Variants in CTNNA3 observed in about 807,000 individuals in gnomAD.
CTNNA3 encodes the protein catenin alpha 3, also known as catenin alpha-3.
CTNNA3 carries 76 observed loss-of-function variants against 95.7 expected under a neutral mutation model. That is an observed-to-expected ratio of 0.79 (90% CI 0.66 to 0.96). CTNNA3 has a LOEUF of 0.96. Ranked by LOEUF, CTNNA3 falls within the 40% of genes least tolerant of loss-of-function variation. CTNNA3 has a pLI of 0.00. For missense variants in CTNNA3, 1,191 were observed against 1,089.8 expected (o/e 1.09, Z -1.31); for synonymous variants, 431 against 374.4 (o/e 1.15, Z -1.74).
At chr10:67,057,812 T>C (rs1855529719) in intron 7 of CTNNA3, among the ~76,000 whole-genome samples, 1 of 152,156 alleles carries the variant, frequency 6.6e-6, no homozygotes, top group Non-Finnish European at 1.5e-5. Flanking sequence ...TCTCAGTCTC[T>C]TTTGCCATCC....
At chr10:66,647,787 G>T (rs1324651093) in intron 9 of CTNNA3, among the ~76,000 whole-genome samples, 3 of 151,680 alleles carry the variant, frequency 2.0e-5, no homozygotes, top group African/African-American at 7.3e-5. Context: ...CCCAAGTACT[G>T]GGATTACAGG....
rs544350335 is a variant in CTNNA3 at position 67,596,227 on chromosome 10, G to T, written c.292+10630C>A. On this transcript the variant is annotated intron_variant, in intron 3 of 17. Coordinates refer to ENST00000433211, the MANE Select transcript of CTNNA3 (RefSeq NM_013266.4). ...TATGTAGTTGCTTTATAGTGCATTGGATCTATGTACTTAAGTGTTTTGTGG... is the reference window on the plus strand; with the variant it reads ...TATGTAGTTGCTTTATAGTGCATTGTATCTATGTACTTAAGTGTTTTGTGG... Among the ~76,000 whole-genome samples the T allele has an allele frequency of 2.6e-5, 4 of 152,252 alleles. No individual in the cohort carries two copies. The South Asian group carries it at 8.3e-4, about 32-fold the overall frequency.
rs569531603 is a variant in CTNNA3, at chr10:67,504,580, G to A, written c.579+17262C>T. Among the ~76,000 whole-genome samples, 3 of 151,934 alleles carry A rather than the reference G, an allele frequency of 2.0e-5. No individual in the cohort carries two copies. In the East Asian group the frequency reaches 5.8e-4, roughly 29 times the overall value. ...TTGGAGTAGAAGAAAAATGCATAGT[G>A]ACTGATACAAGTTACTCATGAGCAC... On this transcript the variant is annotated intron_variant, in intron 5 of 17. Coordinates refer to ENST00000433211, the MANE Select transcript of CTNNA3 (RefSeq NM_013266.4).
chr10:66,092,055 T>C (rs1339494271), intron 14 of CTNNA3, among the ~76,000 whole-genome samples: 3 of 151,914 alleles, frequency 2.0e-5, no homozygotes, highest in Non-Finnish European at 4.4e-5. Flanking sequence ...TCAATATAAA[T>C]AGTAAGCCCA....
chr10:66,587,800 A>C (rs2132219437), intron 10 of CTNNA3, among the ~76,000 whole-genome samples: 1 of 152,248 alleles, frequency 6.6e-6, no homozygotes, highest in African/African-American at 2.4e-5. Flanking sequence ...AAACTGCCCC[A>C]GGCCATAAGC....
chr10:67,234,399 G>C (rs1434798814), intron 5 of CTNNA3, among the ~76,000 whole-genome samples: 8 of 152,094 alleles, frequency 5.3e-5, no homozygotes, highest in African/African-American at 1.2e-4. Flanking sequence ...TTAAACAGAA[G>C]CAAAGACAAA....
At chr10:66,219,619 G>C (rs116288126) in intron 13 of CTNNA3, among the ~76,000 whole-genome samples, 3,863 of 117,508 alleles carry the variant, frequency 0.033, 66 homozygotes, top group Non-Finnish European at 0.048. Flanking sequence ...TCCCAATTAA[G>C]TCTTTTTTTT....
intron 3 of CTNNA3, among the ~76,000 whole-genome samples, chr10:67,604,203 G>A (rs1329139440): frequency 6.6e-6 from 1 of 152,142 alleles, no homozygotes; most frequent in African/African-American, 2.4e-5. Flanking sequence ...CTCAGAACAT[G>A]TCCCCATTGT....
chr10:66,314,520 GA>G (rs1471755270), intron 12 of CTNNA3, among the ~76,000 whole-genome samples: 1 of 151,876 alleles, frequency 6.6e-6, no homozygotes, highest in East Asian at 1.9e-4. Context: ...CCCTCAAGGG[GA>G]CATTCTTGAA....
chr10:66,604,666 C>A (rs1181544961), intron 10 of CTNNA3, among the ~76,000 whole-genome samples: 1 of 152,008 alleles, frequency 6.6e-6, no homozygotes, highest in Non-Finnish European at 1.5e-5. Flanking sequence ...AGAGTTACAG[C>A]ACCCAGTACA....
At chr10:66,396,473 G>A (rs1388160487) in intron 11 of CTNNA3, among the ~76,000 whole-genome samples, 5 of 151,888 alleles carry the variant, frequency 3.3e-5, no homozygotes, top group East Asian at 1.9e-4. Context: ...TTATATTTTC[G>A]CCTCAATTAT....
At chr10:67,400,955 A>G (rs1413684641) in intron 5 of CTNNA3, among the ~76,000 whole-genome samples, 2 of 152,226 alleles carry the variant, frequency 1.3e-5, no homozygotes, top group African/African-American at 4.8e-5. Flanking sequence ...CTTATCTAAT[A>G]ATATGATCCT....
At chr10:66,156,237 A>G (rs1486701069) in intron 13 of CTNNA3, among the ~76,000 whole-genome samples, 1 of 151,922 alleles carries the variant, frequency 6.6e-6, no homozygotes, top group Non-Finnish European at 1.5e-5. Flanking sequence ...CCACAGGCCT[A>G]AAGAAGCTTG....
intron 15 of CTNNA3, among the ~76,000 whole-genome samples, chr10:66,040,653 C>T (rs1390599056): frequency 2.6e-5 from 4 of 152,086 alleles, no homozygotes; most frequent in Non-Finnish European, 5.9e-5. Flanking sequence ...CATGTTCTCA[C>T]TTACAAGTGG....
chr10:67,108,090 T>C (rs1472272295), intron 7 of CTNNA3, among the ~76,000 whole-genome samples: 1 of 152,222 alleles, frequency 6.6e-6, no homozygotes, highest in Non-Finnish European at 1.5e-5. Context: ...AACAGACCAG[T>C]ACTAGAATGT....
At chr10:67,692,714 A>G (rs1395770373) in intron 1 of CTNNA3, among the ~76,000 whole-genome samples, 2 of 134,566 alleles carry the variant, frequency 1.5e-5, no homozygotes, top group Non-Finnish European at 3.1e-5. Flanking sequence ...CCCCTCTGCG[A>G]GAAACACCCA....
At chr10:67,327,825 G>A (rs964950974) in intron 5 of CTNNA3, among the ~76,000 whole-genome samples, 8 of 152,334 alleles carry the variant, frequency 5.3e-5, no homozygotes, top group East Asian at 1.9e-4. Context: ...CAGCTGGGGG[G>A]CCTCCGCTGG....
At position 66,927,573 on chromosome 10, in the gene CTNNA3, G is replaced by A. The variant is rs369665213; in HGVS notation, c.1048-152049C>T. The stretch of plus-strand genomic sequence containing the variant: ...ACCTGGAGCACAATCAATTTTCCAA[G>A]CTCAACCTGGCCCTTTTTCCAAGGT... On this transcript the variant is annotated intron_variant, in intron 7 of 17. Coordinates refer to ENST00000433211, the MANE Select transcript of CTNNA3 (RefSeq NM_013266.4). The surrounding 1 kb of genome is among the most constrained non-coding windows in gnomAD (Gnocchi z 4.7). 2.9e-5 allele frequency: 47 copies of A among 1,614,006 alleles called. No individual in the cohort carries two copies. Among genetic ancestry groups the A allele is most frequent in the Middle Eastern group, 1.6e-4 (1 of 6,084 alleles).
chr10:66,951,661 G>C (rs1216324991), intron 7 of CTNNA3, among the ~76,000 whole-genome samples: 1 of 152,104 alleles, frequency 6.6e-6, no homozygotes, highest in Admixed American at 6.5e-5. Flanking sequence ...ATTGGCTTTT[G>C]TTCCTCTCCA....
Sources: allele counts gnomAD v4.1 joint callset (sites outside exome capture counted in the v4.1 genomes callset), GRCh38; gene constraint gnomAD v4.1.1; non-coding constraint Gnocchi (gnomAD v3.1); transcripts MANE v1.5; gene names NCBI Gene and HGNC (gene_info 2026-07-23, HGNC 2026-07-21).